The following DAAM1 variants were observed in gnomAD, a reference collection of about 807,000 sequenced individuals.
The protein encoded by DAAM1 is dishevelled associated activator of morphogenesis 1, also known as disheveled-associated activator of morphogenesis 1.
DAAM1 carries 52 observed loss-of-function variants against 130.0 expected under a neutral mutation model. The ratio of observed to expected loss-of-function variants is 0.40; its 90% CI spans 0.32 to 0.50. The LOEUF is 0.50. Ranked by LOEUF, DAAM1 falls within the 20% of genes least tolerant of loss-of-function variation. The probability of loss-of-function intolerance (pLI) is 0.61; values close to 1 mark genes in which losing one functional copy is unlikely to be tolerated. For missense variants in DAAM1, 1,134 were observed against 1,303.8 expected, an observed-to-expected ratio of 0.87 and a Z score of 2.01; for synonymous variants, 452 against 444.5, an observed-to-expected ratio of 1.02 and a Z score of -0.21.
At chr14:59,310,383 T>C (rs1815499628) in intron 3 of DAAM1, among the ~76,000 whole-genome samples, 1 of 152,120 alleles carries the variant, frequency 6.6e-6, no homozygotes, top group South Asian at 2.1e-4. Flanking sequence ...TCCACCCACC[T>C]CAGTCTCCCA....
chr14:59,210,525 T>G (rs939442600), intron 1 of DAAM1, among the ~76,000 whole-genome samples: 5 of 152,216 alleles, frequency 3.3e-5, no homozygotes, highest in Non-Finnish European at 5.9e-5. Flanking sequence ...GAAGGAAACT[T>G]ACGATATCTC....
intron 1 of DAAM1, among the ~76,000 whole-genome samples, chr14:59,219,721 A>G (rs1252986): frequency 0.19 from 29,205 of 152,178 alleles, 3,330 homozygotes; most frequent in African/African-American, 0.3. Flanking sequence ...TCATATAAAC[A>G]TGCAATACTT....
intron 1 of DAAM1, among the ~76,000 whole-genome samples, chr14:59,200,559 A>G (rs1347377178): frequency 6.6e-6 from 1 of 152,144 alleles, no homozygotes; most frequent in African/African-American, 2.4e-5. Context: ...CATTGATAAG[A>G]TTTTCAGGGT....
chr14:59,259,291 A>G (rs926907494), intron 1 of DAAM1, among the ~76,000 whole-genome samples: 1 of 152,242 alleles, frequency 6.6e-6, no homozygotes, highest in Non-Finnish European at 1.5e-5. Context: ...TGTTGGCTGT[A>G]CATGATGGAG....
intron 1 of DAAM1, among the ~76,000 whole-genome samples, chr14:59,199,179 C>G (rs1209595086): frequency 6.6e-6 from 1 of 152,214 alleles, no homozygotes; most frequent in Non-Finnish European, 1.5e-5. Flanking sequence ...CTCAACTGCA[C>G]AACTCAGGAG....
chr14:59,346,139 G>C (rs866504019), intron 16 of DAAM1, among the ~76,000 whole-genome samples: 1 of 7,264 alleles, frequency 1.4e-4, no homozygotes. Flanking sequence ...CCTTTTTTTT[G>C]GGGGGGGGGG....
At chr14:59,301,478 A>G (rs991038868) in intron 3 of DAAM1, among the ~76,000 whole-genome samples, 2 of 151,998 alleles carry the variant, frequency 1.3e-5, no homozygotes, top group African/African-American at 4.8e-5. Context: ...ACCTGTTTGC[A>G]CCCTGATTTC....
intron 12 of DAAM1, among the ~76,000 whole-genome samples, chr14:59,329,928 A>G (rs1436417191): frequency 6.6e-6 from 1 of 152,230 alleles, no homozygotes; most frequent in East Asian, 1.9e-4. Flanking sequence ...AAAGCATAAA[A>G]TACTTCAAGT....
intron 23 of DAAM1, among the ~76,000 whole-genome samples, chr14:59,365,085 T>C (rs1296779601): frequency 6.6e-6 from 1 of 150,900 alleles, no homozygotes; most frequent in African/African-American, 2.4e-5. Flanking sequence ...AGCTTGTTCA[T>C]CACAGTAGCC....
At chr14:59,229,075 G>A (rs972924423) in intron 1 of DAAM1, among the ~76,000 whole-genome samples, 30 of 152,292 alleles carry the variant, frequency 2.0e-4, no homozygotes, top group African/African-American at 6.5e-4. Flanking sequence ...AAACTAAAAA[G>A]CATTTAATGG....
chr14:59,224,990 C>G (rs1414430703), intron 1 of DAAM1, among the ~76,000 whole-genome samples: 5 of 145,584 alleles, frequency 3.4e-5, no homozygotes, highest in South Asian at 2.2e-4. Flanking sequence ...TCTACAACCT[C>G]TAGGACTGTA....
intron 2 of DAAM1, among the ~76,000 whole-genome samples, chr14:59,266,427 A>T (rs758038079): frequency 6.6e-6 from 1 of 152,184 alleles, no homozygotes; most frequent in African/African-American, 2.4e-5. Flanking sequence ...AGCTTCATGT[A>T]CGTCTTGAAG....
chr14:59,357,956 A>G (rs1886549098), intron 20 of DAAM1, among the ~76,000 whole-genome samples: 1 of 152,204 alleles, frequency 6.6e-6, no homozygotes, highest in Admixed American at 6.5e-5. Flanking sequence ...GGGTAAAGAA[A>G]ATTGTTTGAA....
chr14:59,232,688 A>G (rs1371321075), intron 1 of DAAM1, among the ~76,000 whole-genome samples: 2 of 151,220 alleles, frequency 1.3e-5, no homozygotes, highest in African/African-American at 4.8e-5. Flanking sequence ...CAGGTTTGTT[A>G]CATAGGTATA....
intron 1 of DAAM1, among the ~76,000 whole-genome samples, chr14:59,226,219 G>A (rs1056430523): frequency 1.3e-5 from 2 of 152,156 alleles, no homozygotes; most frequent in Non-Finnish European, 2.9e-5. Context: ...TACTTCCTTA[G>A]TATATTGCTC....
chr14:59,334,947 T>G (rs1311831263), intron 15 of DAAM1, among the ~76,000 whole-genome samples: 1 of 152,190 alleles, frequency 6.6e-6, no homozygotes, highest in Admixed American at 6.5e-5. Context: ...TGATGCCAAG[T>G]ATGATATGCA....
At chr14:59,308,814 C>A (rs2139595349) in intron 3 of DAAM1, among the ~76,000 whole-genome samples, 1 of 152,308 alleles carries the variant, frequency 6.6e-6, no homozygotes, top group South Asian at 2.1e-4. Context: ...TTCAGTCTTT[C>A]CAGAAAAATG....
intron 1 of DAAM1, among the ~76,000 whole-genome samples, chr14:59,247,840 A>T (rs1881459911): frequency 6.6e-6 from 1 of 152,134 alleles, no homozygotes; most frequent in African/African-American, 2.4e-5. Context: ...TTGCATGTTT[A>T]AACAAGTATA....
chr14:59,310,908 T>C (rs1884563151), intron 3 of DAAM1, among the ~76,000 whole-genome samples: 1 of 152,152 alleles, frequency 6.6e-6, no homozygotes, highest in Non-Finnish European at 1.5e-5. Context: ...TCCTTTACAA[T>C]TGATTGACCT....
Sources: gnomAD v4.1 joint callset for allele counts (sites outside exome capture counted in the v4.1 genomes callset) on GRCh38, gnomAD v4.1.1 for gene constraint, MANE v1.5 for transcripts, NCBI Gene and HGNC (gene_info 2026-07-23, HGNC 2026-07-21) for gene names.